Variants in TMPRSS12 observed in about 807,000 individuals in gnomAD.
TMPRSS12 encodes the protein transmembrane protease serine 12.
TMPRSS12 carries 25 observed loss-of-function variants against 26.0 expected under a neutral mutation model. The ratio of observed to expected loss-of-function variants is 0.96; its 90% confidence interval spans 0.70 to 1.34. TMPRSS12 has a LOEUF of 1.34. Ranked by LOEUF, TMPRSS12 falls within the 40% of genes most tolerant of loss-of-function variation. TMPRSS12 has a pLI of 0.00. For synonymous variants in TMPRSS12, 150 were observed against 161.7 expected, an observed-to-expected ratio of 0.93 and a Z score of 0.55; for missense variants, 441 against 440.1, an observed-to-expected ratio of 1.00 and a Z score of -0.02.
rs59323134 is a variant in TMPRSS12 at position 50,882,286 on chromosome 12, TAAAA to T, written c.653-2936_653-2933del. ...GCAACAGAGCAAGACCCCATCTCTCTAAAAAAAAAAAAAAAAAAAAAAAAAAAGA... is the reference window on the plus strand; with the variant it reads ...GCAACAGAGCAAGACCCCATCTCTCTAAAAAAAAAAAAAAAAAAAAAAAGA... On this transcript the variant is annotated intron_variant, in intron 3 of 4. Coordinates refer to ENST00000398458, the MANE Select transcript of TMPRSS12 (RefSeq NM_182559.3). 6.7e-3 allele frequency among the ~76,000 whole-genome samples: 390 copies of T among 58,510 alleles called. 5 individuals carry two copies. The highest frequency in any genetic ancestry group is 0.029 in the Middle Eastern group (2 of 68). The allele number at this position is 58,510 out of a possible 152,430, so 38.4% of individuals were successfully genotyped here. A position where few individuals can be genotyped will look rare whatever the true frequency, so the allele number is the denominator to read the frequency against.
chr12:50,857,709 AC>A (rs1565932020), intron 2 of TMPRSS12, among the ~76,000 whole-genome samples: 1 of 151,664 alleles, frequency 6.6e-6, no homozygotes, highest in Non-Finnish European at 1.5e-5. Context: ...TCTTGTTTTT[AC>A]CTTTAGTGTC....
intron 3 of TMPRSS12, among the ~76,000 whole-genome samples, chr12:50,862,933 G>A (rs981527996): frequency 7.9e-5 from 12 of 152,088 alleles, no homozygotes; most frequent in Non-Finnish European, 1.2e-4. Context: ...TGGATTACAC[G>A]TGTAATCCTA....
chr12:50,859,448 T>C (rs1937914917), intron 3 of TMPRSS12, among the ~76,000 whole-genome samples: 1 of 152,094 alleles, frequency 6.6e-6, no homozygotes, highest in Admixed American at 6.5e-5. Context: ...ACTCCCAACC[T>C]CAGGTGATCT....
At chr12:50,847,790 G>A (rs533219845) in intron 2 of TMPRSS12, 1 of 152,002 alleles carries the variant, frequency 6.6e-6, no homozygotes, top group East Asian at 1.9e-4. Context: ...CCAGCTACTC[G>A]GCAGGACAAT....
intron 3 of TMPRSS12, among the ~76,000 whole-genome samples, chr12:50,877,759 G>A (rs1350092451): frequency 5.3e-5 from 8 of 152,092 alleles, no homozygotes; most frequent in African/African-American, 7.2e-5. Context: ...ACAGGCATGC[G>A]CCGCCACGCG....
intron 2 of TMPRSS12, among the ~76,000 whole-genome samples, chr12:50,850,391 CA>C (rs1262662755): frequency 3.6e-4 from 55 of 152,194 alleles, no homozygotes; most frequent in African/African-American, 1.3e-3. Context: ...CCAGCCTAGG[CA>C]AAATGGCGAG....
intron 3 of TMPRSS12, among the ~76,000 whole-genome samples, chr12:50,861,681 ATGAG>A (rs1471108067): frequency 1.3e-5 from 2 of 152,214 alleles, no homozygotes; most frequent in Non-Finnish European, 2.9e-5. Context: ...TATAAAATGA[ATGAG>A]TAAAATAAAG....
chr12:50,859,430 G>T (rs1464359537), intron 3 of TMPRSS12, among the ~76,000 whole-genome samples: 1 of 152,006 alleles, frequency 6.6e-6, no homozygotes. Flanking sequence ...TGGTCAGGCT[G>T]GTCTTGAACT....
intron 2 of TMPRSS12, chr12:50,847,908 T>A (rs1000945938): frequency 1.5e-4 from 23 of 151,312 alleles, no homozygotes; most frequent in African/African-American, 5.6e-4. Context: ...AAAATATATA[T>A]ATATATATAC....
At chr12:50,881,774 G>C (rs190255120) in intron 3 of TMPRSS12, among the ~76,000 whole-genome samples, 11 of 150,658 alleles carry the variant, frequency 7.3e-5, no homozygotes, top group African/African-American at 2.2e-4. Flanking sequence ...TCCGAGACCA[G>C]CCTGGCCAAC....
chr12:50,872,215 G>T (rs1415027640), intron 3 of TMPRSS12, among the ~76,000 whole-genome samples: 1 of 152,160 alleles, frequency 6.6e-6, no homozygotes, highest in Non-Finnish European at 1.5e-5. Flanking sequence ...TCAACTAGTG[G>T]TTAAAGAAAC....
At chr12:50,863,779 A>G (rs551190127) in intron 3 of TMPRSS12, among the ~76,000 whole-genome samples, 111 of 152,170 alleles carry the variant, frequency 7.3e-4, no homozygotes, top group African/African-American at 2.5e-3. Context: ...CATGAAGGAG[A>G]TTTTTGTCCT....
chr12:50,849,823 G>A lies in TMPRSS12; in HGVS notation c.383+5786G>A, dbSNP rs78638943. On this transcript the variant is annotated intron_variant, in intron 2 of 4. Coordinates refer to ENST00000398458, the MANE Select transcript of TMPRSS12 (RefSeq NM_182559.3). ...GTACAGTTCTGTGAATTGGACAAAC[G>A]CATACAGTCATGTGATTACCAATAG... 7.8e-3 allele frequency among the ~76,000 whole-genome samples: 1,185 copies of A among 151,892 alleles called. 21 individuals carry two copies. The highest frequency in any genetic ancestry group is 0.026 in the African/African-American group (1,097 of 41,402).
chr12:50,845,930 A>G (rs1382134271), intron 2 of TMPRSS12, among the ~76,000 whole-genome samples: 2 of 152,104 alleles, frequency 1.3e-5, no homozygotes, highest in Admixed American at 6.5e-5. Flanking sequence ...CCATTTGTAT[A>G]TCTTCTTTGG....
rs1309237752 is a variant in TMPRSS12 at position 50,872,898 on chromosome 12, C to CAT, written c.653-12341_653-12340dup. ...TACATATATATGACGTATATATGTA[C>CAT]ATATATATGACTATATATGTACATA... is the stretch of plus-strand genomic sequence containing the variant. On this transcript the variant is annotated intron_variant, in intron 3 of 4. Transcript: ENST00000398458. Among the ~76,000 whole-genome samples, 3 of 104,800 alleles carry CAT rather than the reference C, an allele frequency of 2.9e-5. 1 individual carries two copies. Among genetic ancestry groups the CAT allele is most frequent in the African/African-American group, 1.1e-4 (3 of 26,382 alleles). 68.8% of individuals were successfully genotyped at this position (104,800 alleles called of 152,430 possible). A position where few individuals can be genotyped will look rare whatever the true frequency, so the allele number is the denominator to read the frequency against.
intron 1 of TMPRSS12, 70 bp from the exon 2 acceptor site, chr12:50,843,772 T>A: frequency 7.0e-7 from 1 of 1,435,338 alleles, no homozygotes; most frequent in South Asian, 1.3e-5. Context: ...ATTGCATTAA[T>A]ATGTTCAGCT....
chr12:50,875,318 T>C lies in TMPRSS12; in HGVS notation c.653-9928T>C, dbSNP rs11169597. 2.9e-3 allele frequency among the ~76,000 whole-genome samples: 438 copies of C among 151,790 alleles called. 5 individuals carry two copies. The highest frequency in any genetic ancestry group is 0.01 in the African/African-American group (414 of 41,400). Reference sequence around the variant, plus strand: ...TAGCCTGGCCAATATGGTTCTAACCTCGTCTCTACTAAAAATACAAAAATT... The same window carrying C: ...TAGCCTGGCCAATATGGTTCTAACCCCGTCTCTACTAAAAATACAAAAATT... On this transcript the variant is annotated intron_variant, in intron 3 of 4. Coordinates refer to ENST00000398458, the MANE Select transcript of TMPRSS12 (RefSeq NM_182559.3).
In TMPRSS12 at chr12:50,859,140, C is replaced by A; in HGVS notation, c.652+87C>A. The stretch of plus-strand genomic sequence containing the variant: ...ACCTTTTATATACATTCATGTGCCA[C>A]ATAATGACATTTAAGTTAATGACAG... On this transcript the variant is annotated intron_variant, in intron 3 of 4. Coordinates refer to ENST00000398458, the MANE Select transcript of TMPRSS12 (RefSeq NM_182559.3). 6 of 1,227,784 alleles carry A rather than the reference C, an allele frequency of 4.9e-6. No individual in the cohort carries two copies. In the South Asian group the frequency reaches 5.0e-5, roughly 10 times the overall value. 76.1% of individuals were successfully genotyped at this position (1,227,784 alleles called of 1,614,324 possible). A position where few individuals can be genotyped will look rare whatever the true frequency, so the allele number is the denominator to read the frequency against.
Position 50,843,055 on chromosome 12 carries a change from C to T in TMPRSS12, c.91C>T (p.Leu31Phe), listed in dbSNP as rs775439688. ...DHYSPSGRHR[L>F]GPSPEPAASS... ...CTACTCGCCCTCTGGAAGGCACAGG[C>T]TCGGCCCCTCGCCGGAACCGGCGGC... Residue 31 changes from leucine (L) to phenylalanine (F), a missense_variant, in exon 1 of 5, where the codon CTC becomes TTC. Leu to Phe is a conservative substitution (Grantham distance 22). Transcript: ENST00000398458. 2 of 1,598,176 alleles carry T rather than the reference C, an allele frequency of 1.3e-6. No individual in the cohort carries two copies. Among genetic ancestry groups the T allele is most frequent in the East Asian group, 2.3e-5 (1 of 44,214 alleles).
Sources: allele counts gnomAD v4.1 joint callset (sites outside exome capture counted in the v4.1 genomes callset), GRCh38; gene constraint gnomAD v4.1.1; transcripts MANE v1.5; gene names NCBI Gene and HGNC (gene_info 2026-07-23, HGNC 2026-07-21).